SSBP3: variants seen among roughly 807,000 people sequenced by gnomAD.
The protein encoded by SSBP3 is single-stranded DNA-binding protein 3.
A neutral mutation model predicts 69.6 loss-of-function variants in SSBP3; 5 were observed. The observed-to-expected ratio is 0.07, with a 90% CI of 0.04 to 0.15. The LOEUF (loss-of-function observed/expected upper bound fraction) is 0.15. SSBP3 is among the 10% of genes least tolerant of loss of function. The pLI is 1.00. For missense variants in SSBP3, 312 were observed against 534.0 expected, an observed-to-expected ratio of 0.58 and a Z score of 4.10; for synonymous variants, 196 against 193.4, an observed-to-expected ratio of 1.01 and a Z score of -0.11.
At chr1:54,335,363 G>A (rs1001595143) in intron 4 of SSBP3, among the ~76,000 whole-genome samples, 1 of 152,214 alleles carries the variant, frequency 6.6e-6, no homozygotes, top group Non-Finnish European at 1.5e-5. Flanking sequence ...TGAGAAAGCT[G>A]CATTTCTGGG....
upstream of SSBP3, among the ~76,000 whole-genome samples, chr1:54,407,408 A>G (rs1161884682): frequency 1.3e-5 from 2 of 151,100 alleles, no homozygotes; most frequent in East Asian, 2.0e-4. Flanking sequence ...GGGGAGGGGA[A>G]GCTTCCATTG....
At chr1:54,306,570 C>G (rs1422866219) in intron 4 of SSBP3, among the ~76,000 whole-genome samples, 1 of 152,180 alleles carries the variant, frequency 6.6e-6, no homozygotes, top group Non-Finnish European at 1.5e-5. Flanking sequence ...CCCTGCATTT[C>G]TTAGGAGCTG....
At chr1:54,239,322 A>G (rs953658670) in intron 13 of SSBP3, 123 bp from the exon 14 acceptor site, 2 of 707,918 alleles carry the variant, frequency 2.8e-6, no homozygotes, top group Non-Finnish European at 4.6e-6. Context: ...AAGTACCACC[A>G]TTTTCTGGCT....
intron 4 of SSBP3, among the ~76,000 whole-genome samples, chr1:54,333,726 T>C (rs1187479391): frequency 6.6e-6 from 1 of 152,164 alleles, no homozygotes; most frequent in African/African-American, 2.4e-5. Flanking sequence ...AGGTGATACA[T>C]GTAACTGTTT....
chr1:54,236,897 G>A (rs553243660), intron 14 of SSBP3: 1 of 152,334 alleles, frequency 6.6e-6, no homozygotes, highest in East Asian at 1.9e-4. Context: ...TACGAGGTGT[G>A]AACATTTAGC....
At chr1:54,245,290 G>A in intron 9 of SSBP3, among the ~76,000 whole-genome samples, 1 of 152,066 alleles carries the variant, frequency 6.6e-6, no homozygotes, top group African/African-American at 2.4e-5. Context: ...TCCCAGAAAA[G>A]GAGACTGAAG....
At chr1:54,412,635 CA>C (rs1650021382) in intron 1 of SSBP3, 3 of 152,174 alleles carry the variant, frequency 2.0e-5, no homozygotes, top group Admixed American at 2.0e-4. Context: ...ATTGGTTACA[CA>C]ATAATGTGAA....
chr1:54,379,859 G>T (rs1017132958), intron 4 of SSBP3, among the ~76,000 whole-genome samples: 6 of 152,158 alleles, frequency 3.9e-5, no homozygotes, highest in Non-Finnish European at 8.8e-5. Flanking sequence ...CTTCCTGCAA[G>T]AACACGGCGC....
intron 4 of SSBP3, among the ~76,000 whole-genome samples, chr1:54,289,024 AAAAAAAAAAAAACAAAAAAAC>A (rs1178064899): frequency 5.4e-4 from 49 of 90,246 alleles, no homozygotes; most frequent in East Asian, 1.3e-3. Context: ...TGTCTCCAAA[AAAAAAAAAAAAACAAAAAAAC>A]AAAAAAAAAA....
chr1:54,357,710 T>TG (rs1350549229), intron 4 of SSBP3, among the ~76,000 whole-genome samples: 1 of 152,254 alleles, frequency 6.6e-6, no homozygotes, highest in African/African-American at 2.4e-5. Context: ...CAGGCCAGCC[T>TG]GGTTAACATA....
chr1:54,268,805 G>A (rs533434736), intron 5 of SSBP3, among the ~76,000 whole-genome samples: 11 of 152,272 alleles, frequency 7.2e-5, no homozygotes, highest in African/African-American at 2.4e-4. Flanking sequence ...GTGGGAGGTC[G>A]GGCCCACAGT....
intron 4 of SSBP3, among the ~76,000 whole-genome samples, chr1:54,334,915 C>A (rs766262893): frequency 6.6e-6 from 1 of 152,162 alleles, no homozygotes; most frequent in Non-Finnish European, 1.5e-5. Context: ...TAGGACTTTA[C>A]ATTTATGCCT....
intron 4 of SSBP3, among the ~76,000 whole-genome samples, chr1:54,372,097 G>A (rs1647145128): frequency 6.6e-6 from 1 of 152,208 alleles, no homozygotes; most frequent in African/African-American, 2.4e-5. Flanking sequence ...GGCTAGGCAT[G>A]TGCCTGGTCT....
At position 54,392,641 on chromosome 1, in the gene SSBP3, G is replaced by C. The variant is rs796546642; in HGVS notation, c.276+9220C>G. ...GCCCCTTGTCCATCTTCATTAAAAC[G>C]AGTACTTAGCACAGTTGATGCCTGG... On this transcript the variant is annotated intron_variant, in intron 4 of 17. Transcript: ENST00000610401. 2.0e-5 allele frequency among the ~76,000 whole-genome samples: 3 copies of C among 152,272 alleles called. No individual in the cohort carries two copies. The South Asian group carries it at 6.2e-4, about 32-fold the overall frequency.
At chr1:54,307,592 A>G (rs1395121664) in intron 4 of SSBP3, among the ~76,000 whole-genome samples, 2 of 152,208 alleles carry the variant, frequency 1.3e-5, no homozygotes, top group Non-Finnish European at 2.9e-5. Flanking sequence ...GATGAGGCTG[A>G]AACCTACTGA....
At chr1:54,352,464 C>CCA (rs1646795718) in intron 4 of SSBP3, among the ~76,000 whole-genome samples, 1 of 152,194 alleles carries the variant, frequency 6.6e-6, no homozygotes, top group South Asian at 2.1e-4. Context: ...GAAACGGTCC[C>CCA]CACTGGGTCA....
intron 4 of SSBP3, among the ~76,000 whole-genome samples, chr1:54,288,756 A>C (rs1412004048): frequency 6.6e-6 from 1 of 152,094 alleles, no homozygotes; most frequent in Non-Finnish European, 1.5e-5. Flanking sequence ...GGGTTCAAAA[A>C]ACAAAACCAC....
chr1:54,240,178 G>T (rs1253218415), intron 13 of SSBP3, among the ~76,000 whole-genome samples: 1 of 151,744 alleles, frequency 6.6e-6, no homozygotes, highest in Non-Finnish European at 1.5e-5. Flanking sequence ...AACAGGGAGG[G>T]CTGGGTGTGG....
chr1:54,336,122 T>G (rs994622030), intron 4 of SSBP3, among the ~76,000 whole-genome samples: 2 of 152,256 alleles, frequency 1.3e-5, no homozygotes, highest in African/African-American at 4.8e-5. Context: ...GCACTGGCAC[T>G]CTGGATTCTT....
Sources: allele counts gnomAD v4.1 joint callset (sites outside exome capture counted in the v4.1 genomes callset), GRCh38; gene constraint gnomAD v4.1.1; transcripts MANE v1.5; gene names NCBI Gene and HGNC (gene_info 2026-07-23, HGNC 2026-07-21).